The following UGT1A3 variants were observed in gnomAD, a reference collection of about 807,000 sequenced individuals.
UGT1A3 encodes UDP-glucuronosyltransferase 1A3.
A neutral mutation model predicts 41.0 loss-of-function variants in UGT1A3; 31 were observed. That is an observed-to-expected ratio of 0.76 (90% CI 0.57 to 1.02). UGT1A3 has a LOEUF of 1.02. Ranked by LOEUF, UGT1A3 falls within the 50% of genes least tolerant of loss-of-function variation. The pLI, the probability that UGT1A3 is intolerant of heterozygous loss-of-function variation, is 0.00. For synonymous variants in UGT1A3, 262 were observed against 257.6 expected (o/e 1.02, Z -0.17); for missense variants, 737 against 671.0 (o/e 1.10, Z -1.09).
intron 1 of UGT1A3, among the ~76,000 whole-genome samples, chr2:233,735,346 T>C (rs559111340): frequency 6.6e-6 from 1 of 152,212 alleles, no homozygotes; most frequent in Non-Finnish European, 1.5e-5. Flanking sequence ...GCTTTTTTTT[T>C]GCTTTCCATT....
chr2:233,761,169 A>C, intron 1 of UGT1A3: 1 of 1,614,188 alleles, frequency 6.2e-7, no homozygotes, highest in Non-Finnish European at 8.5e-7. Flanking sequence ...TTGGAGTGGG[A>C]CTTTTACATG....
intron 1 of UGT1A3, chr2:233,752,460 T>C (rs1356858435): frequency 1.3e-5 from 2 of 152,236 alleles, no homozygotes; most frequent in African/African-American, 4.8e-5. Flanking sequence ...TACCCACATA[T>C]AGGCCTCTAG....
chr2:233,768,250 A>G lies in UGT1A3; in HGVS notation c.1118A>G (p.His373Arg). 1 of 1,614,148 alleles carries G rather than the reference A, an allele frequency of 6.2e-7. No individual in the cohort carries two copies. Among genetic ancestry groups the G allele is most frequent in the South Asian group, 1.1e-5 (1 of 91,078 alleles). ...GHPMTRAFITHAGSHGVYESI... is the reference protein window; with the variant it reads ...GHPMTRAFITRAGSHGVYESI... ...CCGATGACCCGTGCCTTTATCACCC[A>G]TGCTGGTTCCCATGGTGTTTATGAA... The change falls in exon 4 of 5, where the codon CAT becomes CGT. Residue 373 changes from histidine to arginine, a missense_variant. Transcript: ENST00000482026.
intron 1 of UGT1A3, among the ~76,000 whole-genome samples, chr2:233,757,242 G>C (rs889678436): frequency 2.7e-5 from 4 of 149,670 alleles, no homozygotes; most frequent in African/African-American, 9.9e-5. Flanking sequence ...GTGGTGGTGA[G>C]GTGGGGTTAT....
chr2:233,747,015 G>A lies in UGT1A3; in HGVS notation c.867+17022G>A, dbSNP rs911515983. 7.2e-5 allele frequency among the ~76,000 whole-genome samples: 11 copies of A among 151,822 alleles called. 1 individual carries two copies. The highest frequency in any genetic ancestry group is 2.2e-4 in the African/African-American group (9 of 41,118). Reference sequence around the variant, plus strand: ...ATGAGTTTTTCAAGTAGGAGTGATCGGTCTTTCCCGAAGTGGGACCCATAA... The same window carrying A: ...ATGAGTTTTTCAAGTAGGAGTGATCAGTCTTTCCCGAAGTGGGACCCATAA... On this transcript the variant is annotated intron_variant, in intron 1 of 4. Coordinates refer to ENST00000482026, the MANE Select transcript of UGT1A3 (RefSeq NM_019093.4).
chr2:233,732,689 A>G (rs539580267), intron 1 of UGT1A3, among the ~76,000 whole-genome samples: 1 of 150,444 alleles, frequency 6.6e-6, no homozygotes, highest in African/African-American at 2.4e-5. Context: ...ACCAGCACCC[A>G]TGCTGTTTTG....
At chr2:233,739,280 A>G (rs1046520383) in intron 1 of UGT1A3, among the ~76,000 whole-genome samples, 11 of 152,210 alleles carry the variant, frequency 7.2e-5, no homozygotes, top group African/African-American at 2.7e-4. Context: ...GCCCCCACAC[A>G]GAGTCTCCAC....
chr2:233,729,222 G>A lies in UGT1A3; in HGVS notation c.96G>A (p.Leu32=), dbSNP rs778525530. The part of the protein sequence containing the change: ...VQPWAESGKV[L]VVPIDGSHWL... The stretch of plus-strand genomic sequence containing the variant: ...CCTGGGCTGAGAGTGGAAAGGTGTT[G>A]GTGGTGCCCATTGATGGCAGCCACT... The change falls in exon 1 of 5, where the codon TTG becomes TTA. Residue 32 remains leucine, a synonymous_variant. Coordinates refer to ENST00000482026, the MANE Select transcript of UGT1A3 (RefSeq NM_019093.4). 3 of 1,614,150 alleles carry A rather than the reference G, an allele frequency of 1.9e-6. No homozygotes were observed. Among genetic ancestry groups the A allele is most frequent in the Middle Eastern group, 1.7e-4 (1 of 6,050 alleles).
At position 233,743,889 on chromosome 2, in the gene UGT1A3, C is replaced by G. The variant is rs772404116; in HGVS notation, c.867+13896C>G. 4.4e-6 allele frequency: 6 copies of G among 1,366,986 alleles called. No individual in the cohort carries two copies. In the Admixed American group the frequency reaches 9.5e-5, roughly 22 times the overall value. The allele number at this position is 1,366,986 out of a possible 1,614,324, so 84.7% of individuals were successfully genotyped here. A position where few individuals can be genotyped will look rare whatever the true frequency, so the allele number is the denominator to read the frequency against. ...GCCTCGGATGAGGCCTGCCGGGGCA[C>G]GTCCAGCACCTCGTAGTAGTCCACC... On this transcript the variant is annotated intron_variant, in intron 1 of 4. Coordinates refer to ENST00000482026, the MANE Select transcript of UGT1A3 (RefSeq NM_019093.4).
intron 1 of UGT1A3, among the ~76,000 whole-genome samples, chr2:233,764,916 G>T (rs906085592): frequency 6.6e-6 from 1 of 152,212 alleles, no homozygotes; most frequent in Non-Finnish European, 1.5e-5. Flanking sequence ...GAGGACTCAC[G>T]AGGGCCTGGG....
chr2:233,768,108 G>C, intron 3 of UGT1A3, 112 bp from the exon 4 acceptor site: 1 of 1,594,934 alleles, frequency 6.3e-7, no homozygotes, highest in South Asian at 1.1e-5. Flanking sequence ...GCAAATTTCT[G>C]CAAGGGCATG....
chr2:233,734,069 C>T (rs2078473996), intron 1 of UGT1A3, among the ~76,000 whole-genome samples: 1 of 152,054 alleles, frequency 6.6e-6, no homozygotes, highest in South Asian at 2.1e-4. Context: ...AACAAACCTG[C>T]ACATTGTGCA....
At chr2:233,752,428 G>C (rs538581016) in intron 1 of UGT1A3, 1 of 152,028 alleles carries the variant, frequency 6.6e-6, no homozygotes, top group African/African-American at 2.4e-5. Context: ...CTGATTTATC[G>C]AACCCTTTTA....
Position 233,743,999 on chromosome 2 carries a change from G to A in UGT1A3, c.867+14006G>A, listed in dbSNP as rs981482683. On this transcript the variant is annotated intron_variant, in intron 1 of 4. Coordinates refer to ENST00000482026, the MANE Select transcript of UGT1A3 (RefSeq NM_019093.4). The stretch of plus-strand genomic sequence containing the variant: ...CACCCAGGCGCAGGCCCGAGTGCTC[G>A]GAGACCTGGGCCGCCTGGAGAGACG... The A allele has an allele frequency of 1.1e-4, 135 of 1,220,038 alleles. 4 individuals carry two copies. The African/African-American group carries it at 1.5e-3, about 14-fold the overall frequency. The allele number at this position is 1,220,038 out of a possible 1,614,324, so 75.6% of individuals were successfully genotyped here. A position where few individuals can be genotyped will look rare whatever the true frequency, so the allele number is the denominator to read the frequency against.
chr2:233,758,146 A>G (rs1260919985), intron 1 of UGT1A3, among the ~76,000 whole-genome samples: 1 of 152,228 alleles, frequency 6.6e-6, no homozygotes, highest in Non-Finnish European at 1.5e-5. Flanking sequence ...TGAGGGAATT[A>G]GCAATGGGTT....
intron 1 of UGT1A3, among the ~76,000 whole-genome samples, chr2:233,759,599 A>C (rs759174): frequency 0.51 from 55,428 of 108,528 alleles, 10,119 homozygotes; most frequent in African/African-American, 0.62. Flanking sequence ...CCCACCCCCG[A>C]CCCGCCCCAC....
At position 233,760,866 on chromosome 2, in the gene UGT1A3, G is replaced by A. The variant is rs1437871677; in HGVS notation, c.868-6168G>A. On this transcript the variant is annotated intron_variant, in intron 1 of 4. Transcript: ENST00000482026. ...AGTGCCCCAACCCATTCTCCTACGT[G>A]CCCAGGCCTCTCTCCTCTCATTCAG... is the stretch of plus-strand genomic sequence containing the variant. 3.7e-6 allele frequency: 6 copies of A among 1,613,948 alleles called. No homozygotes were observed. In the African/African-American group the frequency reaches 8.0e-5, roughly 22 times the overall value.
At chr2:233,741,008 G>A (rs1182899562) in intron 1 of UGT1A3, 1 of 151,722 alleles carries the variant, frequency 6.6e-6, no homozygotes, top group African/African-American at 2.4e-5. Flanking sequence ...GATCACTTGA[G>A]CCCAGGAATT....
intron 1 of UGT1A3, among the ~76,000 whole-genome samples, chr2:233,761,379 G>A (rs1697758727): frequency 6.6e-6 from 1 of 152,206 alleles, no homozygotes; most frequent in African/African-American, 2.4e-5. Context: ...ATTTTACTCT[G>A]TGTGCTCCAG....
Sources: allele counts gnomAD v4.1 joint callset (sites outside exome capture counted in the v4.1 genomes callset), GRCh38; gene constraint gnomAD v4.1.1; transcripts MANE v1.5; gene names NCBI Gene and HGNC (gene_info 2026-07-23, HGNC 2026-07-21).